Variants in NEXMIF observed in about 807,000 individuals in gnomAD.
NEXMIF encodes the protein XLMR protein related to neurite extension.
A neutral mutation model predicts 62.1 loss-of-function variants in NEXMIF; 8 were observed. The observed-to-expected ratio is 0.13, with a 90% CI of 0.08 to 0.23. NEXMIF has a LOEUF of 0.23. Among genes scored for constraint, NEXMIF ranks in the 10% least tolerant of loss-of-function variants. The pLI is 1.00. For synonymous variants in NEXMIF, 404 were observed against 416.6 expected (o/e 0.97, Z 0.37); for missense variants, 976 against 1,113.3 (o/e 0.88, Z 1.75).
chrX:74,850,962 CA>C (rs771595418), intron 1 of NEXMIF, among the ~76,000 whole-genome samples: 1 of 108,418 alleles, frequency 9.2e-6, no homozygotes, highest in Non-Finnish European at 1.9e-5. Flanking sequence ...ATAAACAGCA[CA>C]AAAAAATCAG....
intron 1 of NEXMIF, among the ~76,000 whole-genome samples, chrX:74,919,322 C>G (rs2080818240): frequency 9.0e-6 from 1 of 111,406 alleles, no homozygotes; most frequent in Non-Finnish European, 1.9e-5. Flanking sequence ...AGAAAGATCT[C>G]TTAACTAGGA....
At chrX:74,873,911 G>C (rs1467219658) in intron 1 of NEXMIF, among the ~76,000 whole-genome samples, 2 of 110,900 alleles carry the variant, frequency 1.8e-5, no homozygotes, top group Non-Finnish European at 3.8e-5. Flanking sequence ...CAGATGAGTA[G>C]GTTGCAAAAA....
In NEXMIF at chrX:74,736,630, C is replaced by T. The variant is rs183369239; in HGVS notation, c.*2775G>A. On this transcript the variant is annotated 3_prime_UTR_variant, in exon 4 of 4. Coordinates refer to ENST00000055682, the MANE Select transcript of NEXMIF (RefSeq NM_001008537.3). ...GAGCAGAGACAGGACCAACAAAATG[C>T]TAAATGATGAACATCTCAGAACACA... is the stretch of plus-strand genomic sequence containing the variant. 3.8e-4 allele frequency: 42 copies of T among 111,606 alleles called. No individual in the cohort carries two copies. The highest frequency in any genetic ancestry group is 1.2e-3 in the African/African-American group (37 of 30,696). The allele number at this position is 111,606 out of a possible 1,213,427, so 9.2% of individuals were successfully genotyped here. A position where few individuals can be genotyped will look rare whatever the true frequency, so the allele number is the denominator to read the frequency against.
intron 1 of NEXMIF, among the ~76,000 whole-genome samples, chrX:74,859,284 A>G (rs1247400759): frequency 8.9e-6 from 1 of 112,053 alleles, no homozygotes; most frequent in African/African-American, 3.2e-5. Context: ...ACAACACACA[A>G]TAAAGCTCCA....
intron 1 of NEXMIF, among the ~76,000 whole-genome samples, chrX:74,799,736 T>A (rs1241320851): frequency 2.7e-5 from 3 of 111,958 alleles, no homozygotes; most frequent in Admixed American, 9.4e-5. Context: ...GCTCAAGGGA[T>A]ACTCCTGCCT....
At position 74,736,064 on chromosome X, in the gene NEXMIF, C is replaced by A. The variant is rs1336470783; in HGVS notation, c.*3341G>T. ...ATTATATTTGAGGGATGAAATACCA[C>A]CTATTGGGTACAATGTACACTATTT... On this transcript the variant is annotated 3_prime_UTR_variant, in exon 4 of 4. Coordinates refer to ENST00000055682, the MANE Select transcript of NEXMIF (RefSeq NM_001008537.3). 2 of 111,067 alleles carry A rather than the reference C, an allele frequency of 1.8e-5. No homozygotes were observed. The highest frequency in any genetic ancestry group is 3.8e-5 in the Non-Finnish European group (2 of 53,041). 9.2% of individuals were successfully genotyped at this position (111,067 alleles called of 1,213,427 possible).
intron 1 of NEXMIF, among the ~76,000 whole-genome samples, chrX:74,850,622 C>T (rs761083645): frequency 8.9e-6 from 1 of 111,888 alleles, no homozygotes; most frequent in African/African-American, 3.3e-5. Context: ...CTGTTTACAA[C>T]TGAAGAAATC....
At chrX:74,922,676 G>C (rs1466858969) in intron 1 of NEXMIF, among the ~76,000 whole-genome samples, 1 of 111,068 alleles carries the variant, frequency 9.0e-6, no homozygotes, top group Non-Finnish European at 1.9e-5. Context: ...TTTTTTCCTA[G>C]TAATAAATTT....
At chrX:74,784,790 A>G (rs1291160877) in intron 1 of NEXMIF, among the ~76,000 whole-genome samples, 2 of 110,814 alleles carry the variant, frequency 1.8e-5, no homozygotes, top group Non-Finnish European at 3.8e-5. Flanking sequence ...TATTCTAGTA[A>G]CTGGTAAGGG....
intron 1 of NEXMIF, among the ~76,000 whole-genome samples, chrX:74,894,740 A>G (rs1368504263): frequency 8.9e-6 from 1 of 112,662 alleles, no homozygotes; most frequent in Non-Finnish European, 1.9e-5. Context: ...TAAAAACAAT[A>G]TGATCATATC....
chrX:74,874,822 G>C (rs1205585980), intron 1 of NEXMIF, among the ~76,000 whole-genome samples: 1 of 100,653 alleles, frequency 9.9e-6, no homozygotes, highest in Non-Finnish European at 2.0e-5. Context: ...AAGAATGCTT[G>C]TGATTTTTGT....
At chrX:74,814,867 GC>G (rs2080371125) in intron 1 of NEXMIF, among the ~76,000 whole-genome samples, 1 of 111,840 alleles carries the variant, frequency 8.9e-6, no homozygotes, top group Non-Finnish European at 1.9e-5. Flanking sequence ...TCTGGGACTA[GC>G]TTGGCAATAT....
chrX:74,762,344 A>G (rs1461693047), intron 1 of NEXMIF, among the ~76,000 whole-genome samples: 1 of 111,070 alleles, frequency 9.0e-6, no homozygotes, highest in African/African-American at 3.3e-5. Flanking sequence ...GTGCCACATT[A>G]TCTTAATCCA....
intron 1 of NEXMIF, among the ~76,000 whole-genome samples, chrX:74,782,654 C>T (rs1263630776): frequency 8.9e-6 from 1 of 112,046 alleles, no homozygotes; most frequent in African/African-American, 3.2e-5. Context: ...CCATGTTCTT[C>T]CTCCCACCCT....
At chrX:74,872,611 TA>T (rs1480912421) in intron 1 of NEXMIF, among the ~76,000 whole-genome samples, 2 of 109,696 alleles carry the variant, frequency 1.8e-5, no homozygotes, top group Non-Finnish European at 3.8e-5. Context: ...TATGTTTTAC[TA>T]CAGTCACAAT....
chrX:74,922,846 G>GA (rs143075389), intron 1 of NEXMIF, among the ~76,000 whole-genome samples: 1 of 111,658 alleles, frequency 9.0e-6, no homozygotes, highest in East Asian at 2.8e-4. Context: ...TGTCTAAAAG[G>GA]AAAAAAGCAT....
At chrX:74,808,543 C>T (rs2080351652) in intron 1 of NEXMIF, among the ~76,000 whole-genome samples, 1 of 111,853 alleles carries the variant, frequency 8.9e-6, no homozygotes, top group Admixed American at 9.5e-5. Flanking sequence ...CTTGTAATGT[C>T]TTTGTCTGGC....
chrX:74,893,943 C>G (rs1027243887), intron 1 of NEXMIF, among the ~76,000 whole-genome samples: 17 of 111,264 alleles, frequency 1.5e-4, no homozygotes, highest in African/African-American at 4.9e-4. Flanking sequence ...GTTTCCAAAA[C>G]AGTTGACTTT....
chrX:74,919,317 G>C (rs901355010), intron 1 of NEXMIF, among the ~76,000 whole-genome samples: 1 of 111,491 alleles, frequency 9.0e-6, no homozygotes, highest in African/African-American at 3.3e-5. Context: ...TCTCCAGAAA[G>C]ATCTCTTAAC....
Sources: allele counts gnomAD v4.1 joint callset (sites outside exome capture counted in the v4.1 genomes callset), GRCh38; gene constraint gnomAD v4.1.1; transcripts MANE v1.5; gene names NCBI Gene and HGNC (gene_info 2026-07-23, HGNC 2026-07-21).